Variants in TMEM179 observed in about 807,000 individuals in gnomAD.
TMEM179 encodes transmembrane protein 179, also known as transmembrane protein 179A.
A neutral mutation model predicts 22.2 loss-of-function variants in TMEM179; 17 were observed. The ratio of observed to expected loss-of-function variants is 0.77; its 90% CI spans 0.52 to 1.15. TMEM179 has a LOEUF of 1.15. TMEM179 is among the 50% of genes most tolerant of loss of function. TMEM179 has a pLI of 0.00. For synonymous variants in TMEM179, 127 were observed against 140.5 expected, an observed-to-expected ratio of 0.90 and a Z score of 0.68; for missense variants, 265 against 313.6, an observed-to-expected ratio of 0.84 and a Z score of 1.17.
At chr14:104,594,364 T>C in intron 3 of TMEM179, 1 of 1,231,746 alleles carries the variant, frequency 8.1e-7, no homozygotes, top group Non-Finnish European at 1.0e-6. Flanking sequence ...AGCAAGAGCC[T>C]TCAGAGGCCA....
rs1421690209 is a variant in TMEM179 at position 104,604,460 on chromosome 14, G to A, written c.282C>T (p.Phe94=). ...ACCCCTCGTGTCCCTTGCAGAGGAA[G>A]AAGAGCGTGCGCCAGGCGTGCGCGG... ...LAAAHAWRTL[F]FLCKGHEGSF... The change falls in exon 1 of 4, where the codon TTC becomes TTT. Residue 94 remains phenylalanine (F), a synonymous_variant. Coordinates refer to ENST00000556573, the MANE Select transcript of TMEM179 (RefSeq NM_001286389.2). The surrounding 1 kb of genome is among the most constrained non-coding windows in gnomAD (Gnocchi z 4.6). 2 of 1,581,498 alleles carry A rather than the reference G, an allele frequency of 1.3e-6. No homozygotes were observed.
chr14:104,597,683 A>T lies in TMEM179; in HGVS notation c.306-556T>A, dbSNP rs929604247. Among the ~76,000 whole-genome samples, 2 of 152,188 alleles carry T rather than the reference A, an allele frequency of 1.3e-5. No individual in the cohort carries two copies. The highest frequency in any genetic ancestry group is 4.1e-4 in the South Asian group (2 of 4,834). Reference sequence around the variant, plus strand: ...GACACAGCAAGAGGAACGGGCCCTCAGCAGGCATCGAACCTGGATCCCAGC... The same window carrying T: ...GACACAGCAAGAGGAACGGGCCCTCTGCAGGCATCGAACCTGGATCCCAGC... On this transcript the variant is annotated intron_variant, in intron 1 of 3. Coordinates refer to ENST00000556573, the MANE Select transcript of TMEM179 (RefSeq NM_001286389.2). The surrounding 1 kb of genome is among the most constrained non-coding windows in gnomAD (Gnocchi z 4.8).
In TMEM179 at chr14:104,604,308, G is replaced by T; in HGVS notation, c.305+129C>A. ...GGTCTGAGTGGAGGGGGTGAGGGCG[G>T]ATTGTTGACATTTGCGGGCCTCGGA... On this transcript the variant is annotated intron_variant, in intron 1 of 3. Coordinates refer to ENST00000556573, the MANE Select transcript of TMEM179 (RefSeq NM_001286389.2). This position sits in a 1 kb window ranked among gnomAD's most constrained non-coding sequence, Gnocchi z 4.6. 9.6e-7 allele frequency: 1 copy of T among 1,045,534 alleles called. No homozygotes were observed. Among genetic ancestry groups the T allele is most frequent in the Non-Finnish European group, 1.3e-6 (1 of 761,046 alleles). The allele number at this position is 1,045,534 out of a possible 1,614,324, so 64.8% of individuals were successfully genotyped here. A position where few individuals can be genotyped will look rare whatever the true frequency, so the allele number is the denominator to read the frequency against.
chr14:104,599,785 A>T (rs532163483), intron 1 of TMEM179, among the ~76,000 whole-genome samples: 84 of 152,230 alleles, frequency 5.5e-4, no homozygotes, highest in Middle Eastern at 3.4e-3. Flanking sequence ...AGAATGGAGA[A>T]GGAGACGCAC....
In TMEM179 at chr14:104,591,321, G is replaced by A. The variant is rs1000994329; in HGVS notation, c.*2158C>T. The A allele has an allele frequency of 2.2e-6, 1 of 454,220 alleles. No individual in the cohort carries two copies. The highest frequency in any genetic ancestry group is 4.4e-6 in the Non-Finnish European group (1 of 226,250). The allele number at this position is 454,220 out of a possible 1,614,324, so 28.1% of individuals were successfully genotyped here. A position where few individuals can be genotyped will look rare whatever the true frequency, so the allele number is the denominator to read the frequency against. ...CCCTGCCTCCTGCCCCTCCTTCAGG[G>A]CCCTAGATGGCTGTGGCCTGGATCA... is the stretch of plus-strand genomic sequence containing the variant. On this transcript the variant is annotated 3_prime_UTR_variant, in exon 4 of 4. Coordinates refer to ENST00000556573, the MANE Select transcript of TMEM179 (RefSeq NM_001286389.2).
chr14:104,604,522 T>TGAAGCGG lies in TMEM179; in HGVS notation c.213_219dup (p.Ser74ProfsTer79). The TGAAGCGG allele has an allele frequency of 6.4e-7, 1 of 1,560,694 alleles. No individual in the cohort carries two copies. The highest frequency in any genetic ancestry group is 1.2e-5 in the South Asian group (1 of 84,972). ...AGAGACAGGAGGCTGGCGAGCAGGC[T>TGAAGCGG]GAAGCGGCAGGCGGCCGGCGGGCCC... is the stretch of plus-strand genomic sequence containing the variant. On this transcript the variant is annotated frameshift_variant, in exon 1 of 4. Coordinates refer to ENST00000556573, the MANE Select transcript of TMEM179 (RefSeq NM_001286389.2). LOFTEE classifies it high-confidence loss of function. This position sits in a 1 kb window ranked among gnomAD's most constrained non-coding sequence, Gnocchi z 4.6.
In TMEM179 at chr14:104,593,176, T is replaced by A. The variant is rs1886898811; in HGVS notation, c.*303A>T. 1 of 461,886 alleles carries A rather than the reference T, an allele frequency of 2.2e-6. No individual in the cohort carries two copies. The highest frequency in any genetic ancestry group is 3.9e-6 in the Non-Finnish European group (1 of 258,684). 28.6% of individuals were successfully genotyped at this position (461,886 alleles called of 1,614,324 possible). A position where few individuals can be genotyped will look rare whatever the true frequency, so the allele number is the denominator to read the frequency against. On this transcript the variant is annotated 3_prime_UTR_variant, in exon 4 of 4. Transcript: ENST00000556573. The stretch of plus-strand genomic sequence containing the variant: ...GACGCCCTCCACATAGGCTGGCCAG[T>A]CAGGTCCTACTGGGACAGCCAAGGG...
In TMEM179 at chr14:104,591,434, G is replaced by A. The variant is rs1886842450; in HGVS notation, c.*2045C>T. 4.4e-6 allele frequency: 2 copies of A among 455,856 alleles called. No individual in the cohort carries two copies. Among genetic ancestry groups the A allele is most frequent in the Non-Finnish European group, 8.8e-6 (2 of 226,738 alleles). 28.2% of individuals were successfully genotyped at this position (455,856 alleles called of 1,614,324 possible). A position where few individuals can be genotyped will look rare whatever the true frequency, so the allele number is the denominator to read the frequency against. ...TCTCCGGACTGGAAAGAGTCCCCAT[G>A]TCCAGTGGGTCAGGGCTGGAAGGGG... On this transcript the variant is annotated 3_prime_UTR_variant, in exon 4 of 4. Coordinates refer to ENST00000556573, the MANE Select transcript of TMEM179 (RefSeq NM_001286389.2).
intron 1 of TMEM179, among the ~76,000 whole-genome samples, chr14:104,599,610 C>T (rs1393694187): frequency 6.6e-6 from 1 of 152,190 alleles, no homozygotes; most frequent in Non-Finnish European, 1.5e-5. Flanking sequence ...GGCCTATAGT[C>T]ACAGAGCGGA....
In TMEM179 at chr14:104,597,149, G is replaced by A. The variant is rs1392903870; in HGVS notation, c.306-22C>T. ...GGAGCTGCAGCCAGAAACAGGAGGG[G>A]CAGGCTCACTGGACACCACCTCCCA... On this transcript the variant is annotated intron_variant, in intron 1 of 3. Transcript: ENST00000556573. This position sits in a 1 kb window ranked among gnomAD's most constrained non-coding sequence, Gnocchi z 4.8. The A allele has an allele frequency of 1.3e-6, 2 of 1,567,564 alleles. No homozygotes were observed. The highest frequency in any genetic ancestry group is 1.7e-6 in the Non-Finnish European group (2 of 1,158,466).
Position 104,595,466 on chromosome 14 carries a change from T to G in TMEM179, c.444-223A>C, listed in dbSNP as rs1406088075. Among the ~76,000 whole-genome samples, 2 of 152,160 alleles carry G rather than the reference T, an allele frequency of 1.3e-5. No homozygotes were observed. The highest frequency in any genetic ancestry group is 6.5e-5 in the Admixed American group (1 of 15,286). On this transcript the variant is annotated intron_variant, in intron 2 of 3. Transcript: ENST00000556573. This position sits in a 1 kb window ranked among gnomAD's most constrained non-coding sequence, Gnocchi z 5.7. ...GAAACCTCCAGGCCCCTCCCTGTCC[T>G]GGCCCTGGACAGCCAGAAGACGCCA...
chr14:104,593,746 G>A, intron 3 of TMEM179, 88 bp from the exon 4 acceptor site: 1 of 1,383,824 alleles, frequency 7.2e-7, no homozygotes, highest in Non-Finnish European at 9.5e-7. Context: ...GCTCTGCTCT[G>A]CAGGGAAAGG....
Position 104,591,916 on chromosome 14 carries a change from T to C in TMEM179, c.*1563A>G. ...CGCCCCCGCCCCAGAACGAGTCCTC[T>C]GGAGGTGGACCCTGGGCTTTCCTGA... On this transcript the variant is annotated 3_prime_UTR_variant, in exon 4 of 4. Coordinates refer to ENST00000556573, the MANE Select transcript of TMEM179 (RefSeq NM_001286389.2). 1 of 173,764 alleles carries C rather than the reference T, an allele frequency of 5.8e-6. No homozygotes were observed. Among genetic ancestry groups the C allele is most frequent in the Non-Finnish European group, 1.2e-5 (1 of 80,714 alleles). The allele number at this position is 173,764 out of a possible 1,614,324, so 10.8% of individuals were successfully genotyped here.
chr14:104,601,709 G>A (rs778783617), intron 1 of TMEM179, among the ~76,000 whole-genome samples: 8 of 152,168 alleles, frequency 5.3e-5, no homozygotes, highest in Non-Finnish European at 1.2e-4. Context: ...CAGGCTGGGC[G>A]GAGGTCAGTG....
intron 1 of TMEM179, among the ~76,000 whole-genome samples, chr14:104,601,564 C>T (rs1435146423): frequency 6.6e-6 from 1 of 152,186 alleles, no homozygotes; most frequent in East Asian, 1.9e-4. Flanking sequence ...TGACAGATGT[C>T]ACCCCACAAG....
rs1886983760 is a variant in TMEM179 at position 104,595,316 on chromosome 14, CAG to C, written c.444-75_444-74del. 2.1e-6 allele frequency: 3 copies of C among 1,460,626 alleles called. No homozygotes were observed. In the South Asian group the frequency reaches 3.8e-5, roughly 18 times the overall value. The allele number at this position is 1,460,626 out of a possible 1,614,324, so 90.5% of individuals were successfully genotyped here. A position where few individuals can be genotyped will look rare whatever the true frequency, so the allele number is the denominator to read the frequency against. On this transcript the variant is annotated intron_variant, in intron 2 of 3. Coordinates refer to ENST00000556573, the MANE Select transcript of TMEM179 (RefSeq NM_001286389.2). This position sits in a 1 kb window ranked among gnomAD's most constrained non-coding sequence, Gnocchi z 5.7. ...TGCGGGACATGGCTGAGCCGCTGGCCAGAGAGCCAGGAGCTTTGCCCTACAAT... is the reference window on the plus strand; with the variant it reads ...TGCGGGACATGGCTGAGCCGCTGGCCAGAGCCAGGAGCTTTGCCCTACAAT...
Position 104,593,275 on chromosome 14 carries a change from G to A in TMEM179, c.*204C>T. On this transcript the variant is annotated 3_prime_UTR_variant, in exon 4 of 4. Transcript: ENST00000556573. Reference sequence around the variant, plus strand: ...AGTCTCTCTGCACCATCCTCATCAGGGAGCCGGCACCCACCCAGTCCACTG... The same window carrying A: ...AGTCTCTCTGCACCATCCTCATCAGAGAGCCGGCACCCACCCAGTCCACTG... 3 of 638,952 alleles carry A rather than the reference G, an allele frequency of 4.7e-6. No homozygotes were observed. Among genetic ancestry groups the A allele is most frequent in the South Asian group, 1.9e-5 (1 of 51,574 alleles). 39.6% of individuals were successfully genotyped at this position (638,952 alleles called of 1,614,324 possible). A position where few individuals can be genotyped will look rare whatever the true frequency, so the allele number is the denominator to read the frequency against.
In TMEM179 at chr14:104,604,408, G is replaced by T; in HGVS notation, c.305+29C>A. 1 of 1,483,888 alleles carries T rather than the reference G, an allele frequency of 6.7e-7. No homozygotes were observed. Among genetic ancestry groups the T allele is most frequent in the Non-Finnish European group, 8.9e-7 (1 of 1,124,582 alleles). The allele number at this position is 1,483,888 out of a possible 1,614,324, so 91.9% of individuals were successfully genotyped here. On this transcript the variant is annotated intron_variant, in intron 1 of 3. Transcript: ENST00000556573. This position sits in a 1 kb window ranked among gnomAD's most constrained non-coding sequence, Gnocchi z 4.6. ...TGGGGGCGCTGGGGGCATGGAAGGG[G>T]CGCCGCGCCGGGAGCGGCCCCCACT...
At chr14:104,601,071 G>A (rs1026281077) in intron 1 of TMEM179, among the ~76,000 whole-genome samples, 4 of 152,240 alleles carry the variant, frequency 2.6e-5, no homozygotes, top group East Asian at 1.9e-4. Flanking sequence ...GTAAAGGCCC[G>A]TCTCAGCTCC....
Sources: gnomAD v4.1 joint callset for allele counts (sites outside exome capture counted in the v4.1 genomes callset) on GRCh38, gnomAD v4.1.1 for gene constraint, Gnocchi (gnomAD v3.1) non-coding constraint, MANE v1.5 for transcripts, NCBI Gene and HGNC (gene_info 2026-07-23, HGNC 2026-07-21) for gene names.